CELF2: variants seen among roughly 807,000 people sequenced by gnomAD.
The protein encoded by CELF2 is CUG triplet repeat RNA-binding protein 2.
In CELF2, 8 loss-of-function variants were observed where a neutral mutation model predicts 62.6. The ratio of observed to expected loss-of-function variants is 0.13; its 90% CI spans 0.07 to 0.23. The LOEUF is 0.23. CELF2 is among the 10% of genes least tolerant of loss of function. The pLI is 1.00. For synonymous variants in CELF2, 258 were observed against 250.0 expected (o/e 1.03, Z -0.30); for missense variants, 333 against 671.0 (o/e 0.50, Z 5.56).
In CELF2 at chr10:11,270,926, A is replaced by G. The variant is rs1256041233; in HGVS notation, c.777+102A>G. 2 of 1,090,748 alleles carry G rather than the reference A, an allele frequency of 1.8e-6. No individual in the cohort carries two copies. Among genetic ancestry groups the G allele is most frequent in the South Asian group, 3.4e-5 (1 of 29,682 alleles). 67.6% of individuals were successfully genotyped at this position (1,090,748 alleles called of 1,614,324 possible). A position where few individuals can be genotyped will look rare whatever the true frequency, so the allele number is the denominator to read the frequency against. ...GGCATTTGTTTTCAGTACATTTTCA[A>G]TCTCGGGGAATTATTGAAATCAGCA... On this transcript the variant is annotated intron_variant, in intron 7 of 12. Coordinates refer to ENST00000633077, the MANE Select transcript of CELF2 (RefSeq NM_001326342.2). The surrounding 1 kb of genome is among the most constrained non-coding windows in gnomAD (Gnocchi z 5.8).
rs1302906050 is a variant in CELF2 at position 11,005,602 on chromosome 10, T to C, written c.53+162T>C. On this transcript the variant is annotated intron_variant, in intron 1 of 12. Coordinates refer to the CELF2 transcript ENST00000416382. The surrounding 1 kb of genome is among the most constrained non-coding windows in gnomAD (Gnocchi z 4.3). ...GGGAGATGAAATCGAGACCCAGAGA[T>C]TGGGAGAAAGAGAGAGCCAGCGAGA... Among the ~76,000 whole-genome samples the C allele has an allele frequency of 1.3e-5, 2 of 151,950 alleles. No individual in the cohort carries two copies. The highest frequency in any genetic ancestry group is 2.9e-5 in the Non-Finnish European group (2 of 67,978).
Position 11,319,340 on chromosome 10 carries a change from G to A in CELF2, c.1097-1849G>A, listed in dbSNP as rs2095289903. On this transcript the variant is annotated intron_variant, in intron 10 of 12. Coordinates refer to ENST00000633077, the MANE Select transcript of CELF2 (RefSeq NM_001326342.2). The surrounding 1 kb of genome is among the most constrained non-coding windows in gnomAD (Gnocchi z 4.4). Reference sequence around the variant, plus strand: ...CATCACACAAATAGTGGGAGGTGAGGATGAAGTAAGATCACTGGAGGAATA... The same window carrying A: ...CATCACACAAATAGTGGGAGGTGAGAATGAAGTAAGATCACTGGAGGAATA... 2 of 351,600 alleles carry A rather than the reference G, an allele frequency of 5.7e-6. No homozygotes were observed. The allele number at this position is 351,600 out of a possible 1,614,324, so 21.8% of individuals were successfully genotyped here. A position where few individuals can be genotyped will look rare whatever the true frequency, so the allele number is the denominator to read the frequency against.
At chr10:10,674,006 G>C in the CELF2 span, among the ~76,000 whole-genome samples, 1 of 152,118 alleles carries the variant, frequency 6.6e-6, no homozygotes, top group Admixed American at 6.6e-5. Flanking sequence ...TGCTGCTCTT[G>C]GATCAAGTAA....
At chr10:11,180,422 C>A (rs1317631403) in intron 2 of CELF2, among the ~76,000 whole-genome samples, 1 of 152,182 alleles carries the variant, frequency 6.6e-6, no homozygotes, top group Admixed American at 6.5e-5. Flanking sequence ...ATGAACAGGG[C>A]CGTTGAGCAG....
chr10:10,576,350 A>G, the CELF2 span, among the ~76,000 whole-genome samples: 2 of 152,200 alleles, frequency 1.3e-5, no homozygotes, highest in Non-Finnish European at 2.9e-5. Context: ...AATAAGATGC[A>G]GTCCAATAAG....
At chr10:10,878,170 T>C (rs555868236) in intron 1 of CELF2, among the ~76,000 whole-genome samples, 1 of 152,262 alleles carries the variant, frequency 6.6e-6, no homozygotes, top group South Asian at 2.1e-4. Flanking sequence ...CTGAAGATCC[T>C]ATAGGATCCC....
the CELF2 span, among the ~76,000 whole-genome samples, chr10:10,717,764 T>C: frequency 1.3e-5 from 2 of 152,172 alleles, no homozygotes; most frequent in Non-Finnish European, 2.9e-5. Flanking sequence ...TGTGATGTTC[T>C]ACTTGATCCA....
the CELF2 span, among the ~76,000 whole-genome samples, chr10:10,749,676 T>C: frequency 6.6e-6 from 1 of 152,184 alleles, no homozygotes; most frequent in Admixed American, 6.5e-5. Flanking sequence ...TCGGATGCAT[T>C]TGTAGTATGA....
chr10:10,949,462 G>A (rs934703967), intron 2 of CELF2, among the ~76,000 whole-genome samples: 1 of 152,002 alleles, frequency 6.6e-6, no homozygotes, highest in South Asian at 2.1e-4. Flanking sequence ...AGCTTCTCAA[G>A]CAGGAATGCA....
intron 2 of CELF2, among the ~76,000 whole-genome samples, chr10:11,200,657 T>A (rs1470708331): frequency 6.6e-6 from 1 of 152,208 alleles, no homozygotes; most frequent in African/African-American, 2.4e-5. Flanking sequence ...CATTTCCAGG[T>A]CAGACTTCTG....
intron 1 of CELF2, among the ~76,000 whole-genome samples, chr10:11,009,423 G>A (rs969674361): frequency 6.6e-6 from 1 of 151,970 alleles, no homozygotes; most frequent in Non-Finnish European, 1.5e-5. Context: ...CCTGATTTTC[G>A]ATGAGGTACA....
rs73583261 is a variant in CELF2 at position 11,335,369 on chromosome 10, C to G, written c.*6316C>G. 6.6e-6 allele frequency: 1 copy of G among 152,410 alleles called. No homozygotes were observed. The highest frequency in any genetic ancestry group is 1.5e-5 in the Non-Finnish European group (1 of 68,212). The allele number at this position is 152,410 out of a possible 1,614,324, so 9.4% of individuals were successfully genotyped here. On this transcript the variant is annotated 3_prime_UTR_variant, in exon 13 of 13. Coordinates refer to ENST00000633077, the MANE Select transcript of CELF2 (RefSeq NM_001326342.2). The surrounding 1 kb of genome is among the most constrained non-coding windows in gnomAD (Gnocchi z 5.0). ...ACGCACAAGCTCTGACTCAGGCCAC[C>G]CAGCACCTGGCAGCCTTCCTCTGCG...
In CELF2 at chr10:11,290,903, T is replaced by C. The variant is rs1416649159; in HGVS notation, c.976+2351T>C. On this transcript the variant is annotated intron_variant, in intron 9 of 12. Transcript: ENST00000633077. This position sits in a 1 kb window ranked among gnomAD's most constrained non-coding sequence, Gnocchi z 4.3. ...TTCAATTATTTTTCTTAAGTGTAAC[T>C]AAAAAATCTGATGTTTAAGTGAAAG... Among the ~76,000 whole-genome samples, 2 of 152,238 alleles carry C rather than the reference T, an allele frequency of 1.3e-5. No homozygotes were observed. Among genetic ancestry groups the C allele is most frequent in the African/African-American group, 4.8e-5 (2 of 41,464 alleles).
At chr10:11,130,782 C>A (rs1217931462) in intron 1 of CELF2, among the ~76,000 whole-genome samples, 1 of 152,158 alleles carries the variant, frequency 6.6e-6, no homozygotes, top group Non-Finnish European at 1.5e-5. Context: ...GTTATTAGCC[C>A]ACTAAATGTG....
chr10:11,083,919 C>A (rs1452136248), intron 1 of CELF2, among the ~76,000 whole-genome samples: 1 of 152,152 alleles, frequency 6.6e-6, no homozygotes, highest in East Asian at 1.9e-4. Flanking sequence ...CTGTGCTTCC[C>A]GTTGCCAGTC....
At chr10:10,853,104 G>A (rs566515858) in intron 1 of CELF2, among the ~76,000 whole-genome samples, 17 of 152,078 alleles carry the variant, frequency 1.1e-4, no homozygotes, top group African/African-American at 3.6e-4. Flanking sequence ...TCTGCCTCCC[G>A]AGTAAGTGGA....
At chr10:11,293,312 A>T (rs1234356603) in intron 9 of CELF2, among the ~76,000 whole-genome samples, 1 of 152,238 alleles carries the variant, frequency 6.6e-6, no homozygotes, top group East Asian at 1.9e-4. Flanking sequence ...AGTATAGTTT[A>T]TGCTGCTTCT....
At chr10:11,200,960 G>C (rs1397983461) in intron 2 of CELF2, among the ~76,000 whole-genome samples, 1 of 152,110 alleles carries the variant, frequency 6.6e-6, no homozygotes, top group Non-Finnish European at 1.5e-5. Flanking sequence ...CTCTCAAACG[G>C]GTCAGTTTTA....
chr10:10,978,476 G>A (rs2051636829), intron 2 of CELF2, among the ~76,000 whole-genome samples: 2 of 152,120 alleles, frequency 1.3e-5, no homozygotes, highest in African/African-American at 4.8e-5. Context: ...AACAGATATA[G>A]CCCATGTAGT....
Sources: allele counts gnomAD v4.1 joint callset (sites outside exome capture counted in the v4.1 genomes callset), GRCh38; gene constraint gnomAD v4.1.1; non-coding constraint Gnocchi (gnomAD v3.1); transcripts MANE v1.5; gene names NCBI Gene and HGNC (gene_info 2026-07-23, HGNC 2026-07-21).